The following KCNRG variants were observed in gnomAD, a reference collection of about 807,000 sequenced individuals.
The protein encoded by KCNRG is potassium channel regulatory protein.
KCNRG carries 17 observed loss-of-function variants against 17.7 expected under a neutral mutation model. The observed-to-expected ratio is 0.96, with a 90% CI of 0.66 to 1.44. The LOEUF (loss-of-function observed/expected upper bound fraction) is 1.44, where lower values mean the gene tolerates loss of function less well. Among genes scored for constraint, KCNRG ranks in the 40% most tolerant of loss-of-function variants. KCNRG has a pLI of 0.00. For synonymous variants in KCNRG, 97 were observed against 116.5 expected, an observed-to-expected ratio of 0.83 and a Z score of 1.08; for missense variants, 311 against 321.1, an observed-to-expected ratio of 0.97 and a Z score of 0.24.
rs768598693 is a variant in KCNRG at position 50,020,402 on chromosome 13, C to T, written c.767C>T (p.Thr256Ile). 6 of 1,613,894 alleles carry T rather than the reference C, an allele frequency of 3.7e-6. No individual in the cohort carries two copies. The African/African-American group carries it at 8.0e-5, about 22-fold the overall frequency. ...CCTGAAGTGCTCATCACGAATGAAA[C>T]ACCAAAACCAGAGACTATCATCATA... ...KSPEVLITNE[T>I]PKPETIIIPE... The change falls in exon 2 of 2, where the codon ACA becomes ATA. Residue 256 changes from threonine to isoleucine, a missense_variant. Thr to Ile is a moderately conservative substitution (Grantham distance 89). Coordinates refer to ENST00000312942, the MANE Select transcript of KCNRG (RefSeq NM_173605.2).
Position 50,015,623 on chromosome 13 carries a change from ATGGT to A in KCNRG, c.135_138del (p.Gly46AlafsTer5), listed in dbSNP as rs1876442412. 2 of 1,613,984 alleles carry A rather than the reference ATGGT, an allele frequency of 1.2e-6. No individual in the cohort carries two copies. Among genetic ancestry groups the A allele is most frequent in the Non-Finnish European group, 1.7e-6 (2 of 1,179,972 alleles). ...AGATGGCAGAGACCAAGAATTCAAG[ATGGT>A]TGGTGGCCAGATTTTTGTAGACAGA... is the stretch of plus-strand genomic sequence containing the variant. On this transcript the variant is annotated frameshift_variant, in exon 1 of 2. Transcript: ENST00000312942. LOFTEE classifies it high-confidence loss of function.
At chr13:50,018,072 T>A (rs1876837296) in intron 1 of KCNRG, 1 of 167,078 alleles carries the variant, frequency 6.0e-6, no homozygotes. Context: ...CTAAAGTCTT[T>A]ATTTGACTTC....
chr13:50,015,777 T>G lies in KCNRG; in HGVS notation c.284T>G (p.Val95Gly), dbSNP rs1303045111. Residue 95 changes from valine (V) to glycine (G), a missense_variant, in exon 1 of 2, where the codon GTT (valine) becomes GGT (glycine). Transcript: ENST00000312942. ...EALFYELRSL[V>G]DLLNPYLLQP... ...CTTTTCTATGAACTTCGTTCTCTAGTTGATCTCTTAAACCCATACCTGCTA... is the reference window on the plus strand; with the variant it reads ...CTTTTCTATGAACTTCGTTCTCTAGGTGATCTCTTAAACCCATACCTGCTA... 6.2e-7 allele frequency: 1 copy of G among 1,614,162 alleles called. No homozygotes were observed. Among genetic ancestry groups the G allele is most frequent in the Admixed American group, 1.7e-5 (1 of 60,020 alleles).
chr13:50,017,119 T>C (rs1876701363), intron 1 of KCNRG: 1 of 167,070 alleles, frequency 6.0e-6, no homozygotes. Flanking sequence ...AGTAGGCTGA[T>C]TGTGAAGAAA....
intron 1 of KCNRG, among the ~76,000 whole-genome samples, 160 bp from the exon 2 acceptor site, chr13:50,020,054 A>T (rs941170900): frequency 2.0e-5 from 3 of 151,912 alleles, no homozygotes; most frequent in Non-Finnish European, 4.4e-5. Context: ...AAAAAAAAAA[A>T]AATCACTCAT....
At chr13:50,019,146 CTTTTGTTTTT>C (rs1876981595) in intron 1 of KCNRG, among the ~76,000 whole-genome samples, 1 of 61,316 alleles carries the variant, frequency 1.6e-5, no homozygotes, top group Admixed American at 2.8e-4. Context: ...TTCTTTTTTT[CTTTTGTTTTT>C]TTTTTTGAGA....
At position 50,020,295 on chromosome 13, in the gene KCNRG, G is replaced by A. The variant is rs142871359; in HGVS notation, c.660G>A (p.Lys220=). 5.6e-5 allele frequency: 91 copies of A among 1,614,002 alleles called. No homozygotes were observed. In the African/African-American group the frequency reaches 1.1e-3, roughly 19 times the overall value. Residue 220 remains lysine (K), a synonymous_variant, in exon 2 of 2, where the codon AAG becomes AAA. Coordinates refer to ENST00000312942, the MANE Select transcript of KCNRG (RefSeq NM_173605.2). ...GCTTACTGATTGACACTTTATTAAAGGAAGGCTTTCATTTGGTCAGCACTA... is the reference window on the plus strand; with the variant it reads ...GCTTACTGATTGACACTTTATTAAAAGAAGGCTTTCATTTGGTCAGCACTA... ...VLGLLIDTLL[K]EGFHLVSTRT...
At position 50,020,386 on chromosome 13, in the gene KCNRG, C is replaced by T. The variant is rs944880171; in HGVS notation, c.751C>T (p.Leu251Phe). 10 of 1,613,774 alleles carry T rather than the reference C, an allele frequency of 6.2e-6. No homozygotes were observed. In the African/African-American group the frequency reaches 1.3e-4, roughly 22 times the overall value. The stretch of plus-strand genomic sequence containing the variant: ...TGAAAGGATAAAAAGCCCTGAAGTG[C>T]TCATCACGAATGAAACACCAAAACC... ...SFERIKSPEV[L>F]ITNETPKPET... is the part of the protein sequence containing the mutation. Residue 251 changes from leucine to phenylalanine, a missense_variant, in exon 2 of 2, where the codon CTC becomes TTC. By Grantham distance (22) the Leu-to-Phe change is conservative. Transcript: ENST00000312942.
At chr13:50,016,108 G>C (rs1876523534) in intron 1 of KCNRG, 37 bp downstream of exon 1, 1 of 1,444,196 alleles carries the variant, frequency 6.9e-7, no homozygotes. Context: ...TTGTATACCA[G>C]TTTGTGATGT....
Position 50,015,978 on chromosome 13 carries a change from C to T in KCNRG, c.485C>T (p.Thr162Ile). ...WNGNFFPPQMTLLPLPPQRPS... is the reference protein window; with the variant it reads ...WNGNFFPPQMILLPLPPQRPS... ...GGTAACTTTTTCCCTCCTCAGATGA[C>T]CTTACTTCCACTGCCTCCACAAAGA... The change falls in exon 1 of 2, where the codon ACC becomes ATC. Residue 162 changes from threonine to isoleucine, a missense_variant. Transcript: ENST00000312942. 6.2e-7 allele frequency: 1 copy of T among 1,614,058 alleles called. No individual in the cohort carries two copies.
At chr13:50,019,656 A>C (rs1877027690) in intron 1 of KCNRG, among the ~76,000 whole-genome samples, 1 of 152,210 alleles carries the variant, frequency 6.6e-6, no homozygotes, top group Admixed American at 6.5e-5. Context: ...GTGATCTCTC[A>C]AAAATTGATG....
In KCNRG at chr13:50,015,609, A is replaced by G; in HGVS notation, c.116A>G (p.Asp39Gly). The G allele has an allele frequency of 6.2e-7, 1 of 1,614,144 alleles. No homozygotes were observed. The highest frequency in any genetic ancestry group is 8.5e-7 in the Non-Finnish European group (1 of 1,179,982). ...SRLARMLDGR[D>G]QEFKMVGGQI... ...TTGGCACGCATGTTAGATGGCAGAGACCAAGAATTCAAGATGGTTGGTGGC... is the reference window on the plus strand; with the variant it reads ...TTGGCACGCATGTTAGATGGCAGAGGCCAAGAATTCAAGATGGTTGGTGGC... Residue 39 changes from aspartate (D) to glycine (G), a missense_variant, in exon 1 of 2, where the codon GAC (aspartate) becomes GGC (glycine). Transcript: ENST00000312942.
At chr13:50,020,002 C>T (rs1877052142) in intron 1 of KCNRG, among the ~76,000 whole-genome samples, 1 of 150,320 alleles carries the variant, frequency 6.7e-6, no homozygotes, top group Admixed American at 6.6e-5. Flanking sequence ...CACACCACTA[C>T]ACACCAGTCT....
At position 50,020,283 on chromosome 13, in the gene KCNRG, C is replaced by A; in HGVS notation, c.648C>A (p.Asp216Glu). Residue 216 changes from aspartate (D) to glutamate (E), a missense_variant, in exon 2 of 2, where the codon GAC becomes GAA. Physicochemically the swap from Asp to Glu is conservative, Grantham distance 45. Transcript: ENST00000312942. ...CAAATGTCCTCGGCTTACTGATTGACACTTTATTAAAGGAAGGCTTTCATT... is the reference window on the plus strand; with the variant it reads ...CAAATGTCCTCGGCTTACTGATTGAAACTTTATTAAAGGAAGGCTTTCATT... ...NGTNVLGLLI[D>E]TLLKEGFHLV... 1.2e-6 allele frequency: 2 copies of A among 1,613,980 alleles called. No homozygotes were observed. The highest frequency in any genetic ancestry group is 3.3e-5 in the Admixed American group (2 of 60,020).
At position 50,020,520 on chromosome 13, in the gene KCNRG, CAT is replaced by C; in HGVS notation, c.*67_*68del. On this transcript the variant is annotated 3_prime_UTR_variant, in exon 2 of 2. Coordinates refer to ENST00000312942, the MANE Select transcript of KCNRG (RefSeq NM_173605.2). ...TGTTTCATTACGTATTTAGGGCATA[CAT>C]GTTAGCCAAATCTACACTCAGCCTA... 6 of 1,511,500 alleles carry C rather than the reference CAT, an allele frequency of 4.0e-6. No homozygotes were observed. Among genetic ancestry groups the C allele is most frequent in the Non-Finnish European group, 5.4e-6 (6 of 1,108,490 alleles). 93.6% of individuals were successfully genotyped at this position (1,511,500 alleles called of 1,614,324 possible).
Position 50,016,008 on chromosome 13 carries a change from C to CGTAA in KCNRG, c.515_516insGTAA (p.Tyr173Ter). ...CTTCCACTGCCTCCACAAAGACCTTCTTACCATGACCTGGTTTTCCAGTGT... is the reference window on the plus strand; with the variant it reads ...CTTCCACTGCCTCCACAAAGACCTTCGTAATTACCATGACCTGGTTTTCCAGTGT... On this transcript the variant is annotated stop_gained and frameshift_variant, in exon 1 of 2. Coordinates refer to ENST00000312942, the MANE Select transcript of KCNRG (RefSeq NM_173605.2). LOFTEE classifies it high-confidence loss of function. 1 of 1,614,110 alleles carries CGTAA rather than the reference C, an allele frequency of 6.2e-7. No individual in the cohort carries two copies. Among genetic ancestry groups the CGTAA allele is most frequent in the South Asian group, 1.1e-5 (1 of 91,074 alleles).
Position 50,015,486 on chromosome 13 carries a change from AG to A in KCNRG, c.-5del. The A allele has an allele frequency of 6.3e-7, 1 of 1,592,154 alleles. No homozygotes were observed. The highest frequency in any genetic ancestry group is 8.6e-7 in the Non-Finnish European group (1 of 1,165,986). On this transcript the variant is annotated 5_prime_UTR_variant, in exon 1 of 2. Coordinates refer to ENST00000312942, the MANE Select transcript of KCNRG (RefSeq NM_173605.2). ...TGATGGTAGCCTCTAGTTTGAAGTG[AG>A]GGAAGAATGAGTAGTCAGGAACTGG...
rs887400863 is a variant in KCNRG at position 50,020,597 on chromosome 13, A to T, written c.*143A>T. 1.4e-5 allele frequency: 11 copies of T among 790,280 alleles called. No homozygotes were observed. The South Asian group carries it at 1.8e-4, about 13-fold the overall frequency. The allele number at this position is 790,280 out of a possible 1,614,324, so 49.0% of individuals were successfully genotyped here. On this transcript the variant is annotated 3_prime_UTR_variant, in exon 2 of 2. Coordinates refer to ENST00000312942, the MANE Select transcript of KCNRG (RefSeq NM_173605.2). ...GCCGTCTCTGGGCAACCAGGCCCCA[A>T]CTGTGCTTAAGCCATAATGCCTGCT...
Position 50,020,763 on chromosome 13 carries a change from C to T in KCNRG, c.*309C>T, listed in dbSNP as rs1322500911. ...AGCTTGGGTGACAGAGGAAGACTGT[C>T]TCAAAAAAAAAAAAATTGATCAAAC... On this transcript the variant is annotated 3_prime_UTR_variant, in exon 2 of 2. Coordinates refer to ENST00000312942, the MANE Select transcript of KCNRG (RefSeq NM_173605.2). 9 of 250,726 alleles carry T rather than the reference C, an allele frequency of 3.6e-5. No homozygotes were observed. In the Admixed American group the frequency reaches 4.4e-4, roughly 12 times the overall value. 15.5% of individuals were successfully genotyped at this position (250,726 alleles called of 1,614,324 possible). A position where few individuals can be genotyped will look rare whatever the true frequency, so the allele number is the denominator to read the frequency against.
Sources: allele counts gnomAD v4.1 joint callset (sites outside exome capture counted in the v4.1 genomes callset), GRCh38; gene constraint gnomAD v4.1.1; transcripts MANE v1.5; gene names NCBI Gene and HGNC (gene_info 2026-07-23, HGNC 2026-07-21).